Variants in ZFYVE9 observed in about 807,000 individuals in gnomAD.
ZFYVE9 encodes the protein zinc finger FYVE domain-containing protein 9.
In ZFYVE9, 43 loss-of-function variants were observed where a neutral mutation model predicts 126.7. That is an observed-to-expected ratio of 0.34 (90% confidence interval 0.27 to 0.44). The LOEUF is 0.44. Among genes scored for constraint, ZFYVE9 ranks in the 20% least tolerant of loss-of-function variants. The pLI is 1.00. For synonymous variants in ZFYVE9, 521 were observed against 597.4 expected (o/e 0.87, Z 1.87); for missense variants, 1,476 against 1,697.0 (o/e 0.87, Z 2.29).
At chr1:52,316,943 T>C (rs559886571) in intron 13 of ZFYVE9, among the ~76,000 whole-genome samples, 217 of 152,282 alleles carry the variant, frequency 1.4e-3, no homozygotes, top group Middle Eastern at 0.014. Context: ...TTCTGTGGTG[T>C]AAAAGAGGTC....
intron 10 of ZFYVE9, among the ~76,000 whole-genome samples, chr1:52,291,445 C>T (rs1450619468): frequency 1.3e-5 from 2 of 152,192 alleles, no homozygotes; most frequent in South Asian, 2.1e-4. Context: ...TGAACACATT[C>T]GTTGTTCCAT....
chr1:52,281,257 C>T (rs1043535243), intron 9 of ZFYVE9, among the ~76,000 whole-genome samples: 1 of 151,448 alleles, frequency 6.6e-6, no homozygotes, highest in Non-Finnish European at 1.5e-5. Flanking sequence ...CTCAGCCTCC[C>T]GAGTAGCTGG....
intron 1 of ZFYVE9, among the ~76,000 whole-genome samples, chr1:52,151,015 T>C (rs545807598): frequency 1.3e-5 from 2 of 150,322 alleles, no homozygotes; most frequent in African/African-American, 4.9e-5. Context: ...TTAGTAGTAG[T>C]AGCCGAGGTA....
intron 1 of ZFYVE9, among the ~76,000 whole-genome samples, chr1:52,213,072 A>G (rs962302631): frequency 2.0e-5 from 3 of 152,228 alleles, no homozygotes; most frequent in African/African-American, 7.2e-5. Context: ...TCAAAAGGCA[A>G]TGAATAAGTC....
In ZFYVE9 at chr1:52,336,947, T is replaced by TAAAAAAAAAAAAAAA. The variant is rs71041896; in HGVS notation, c.3671-817_3671-803dup. Among the ~76,000 whole-genome samples, 173 of 107,800 alleles carry TAAAAAAAAAAAAAAA rather than the reference T, an allele frequency of 1.6e-3. 2 individuals carry two copies. The highest frequency in any genetic ancestry group is 5.8e-3 in the African/African-American group (160 of 27,380). The allele number at this position is 107,800 out of a possible 152,430, so 70.7% of individuals were successfully genotyped here. ...CGCTCCAACCTGGGCAGTCATCTCT[T>TAAAAAAAAAAAAAAA]AAAAAAAAAAAAAAAAAAAAAAGAT... On this transcript the variant is annotated intron_variant, in intron 15 of 18. Coordinates refer to ENST00000287727, the MANE Select transcript of ZFYVE9 (RefSeq NM_004799.4).
intron 1 of ZFYVE9, among the ~76,000 whole-genome samples, chr1:52,182,126 T>TG (rs1340808777): frequency 7.0e-6 from 1 of 143,524 alleles, no homozygotes; most frequent in African/African-American, 2.6e-5. Context: ...AGGAGAGAGG[T>TG]GGGGGGTCAG....
chr1:52,230,203 G>A (rs1433127282), intron 2 of ZFYVE9, among the ~76,000 whole-genome samples: 1 of 152,182 alleles, frequency 6.6e-6, no homozygotes, highest in South Asian at 2.1e-4. Flanking sequence ...GAGGGGGAAG[G>A]CAAAAAGGAA....
At position 52,263,758 on chromosome 1, in the gene ZFYVE9, C is replaced by CG. The variant is rs1553130203; in HGVS notation, c.2179-15_2179-14insG. 2.2e-5 allele frequency: 15 copies of CG among 686,190 alleles called. No homozygotes were observed. The highest frequency in any genetic ancestry group is 2.0e-4 in the African/African-American group (6 of 29,386). 42.5% of individuals were successfully genotyped at this position (686,190 alleles called of 1,614,324 possible). A position where few individuals can be genotyped will look rare whatever the true frequency, so the allele number is the denominator to read the frequency against. ...AAGTAAATTTTGTGTGTTCTTCCCC[C>CG]CCCCCCCCCCACAGGTTTTCTGTGC... On this transcript the variant is annotated splice_polypyrimidine_tract_variant and intron_variant, in intron 4 of 18. Transcript: ENST00000287727.
intron 9 of ZFYVE9, among the ~76,000 whole-genome samples, chr1:52,278,905 T>C (rs1645775338): frequency 6.6e-6 from 1 of 151,528 alleles, no homozygotes. Context: ...TAATTTTTCG[T>C]ATTTGTTTTT....
intron 15 of ZFYVE9, among the ~76,000 whole-genome samples, chr1:52,336,723 G>T (rs1005960126): frequency 6.6e-6 from 1 of 152,068 alleles, no homozygotes; most frequent in Non-Finnish European, 1.5e-5. Flanking sequence ...ATATGATGAA[G>T]TGTTGACTAT....
At chr1:52,309,226 C>T (rs964778025) in intron 13 of ZFYVE9, among the ~76,000 whole-genome samples, 1 of 152,168 alleles carries the variant, frequency 6.6e-6, no homozygotes, top group Non-Finnish European at 1.5e-5. Context: ...CTTGTAATCC[C>T]AGTACTTTGG....
intron 7 of ZFYVE9, among the ~76,000 whole-genome samples, chr1:52,271,488 T>G (rs1432956290): frequency 6.6e-6 from 1 of 152,176 alleles, no homozygotes; most frequent in Admixed American, 6.5e-5. Context: ...GTTTGTTACA[T>G]AGGTATACAT....
At chr1:52,255,659 G>A (rs1349365698) in intron 4 of ZFYVE9, among the ~76,000 whole-genome samples, 2 of 151,850 alleles carry the variant, frequency 1.3e-5, no homozygotes, top group Non-Finnish European at 2.9e-5. Flanking sequence ...TTGGGAGGCC[G>A]AGGCAGGTGA....
intron 13 of ZFYVE9, among the ~76,000 whole-genome samples, chr1:52,309,434 T>G (rs1047590833): frequency 1.3e-5 from 2 of 151,922 alleles, no homozygotes; most frequent in Non-Finnish European, 2.9e-5. Flanking sequence ...AGCTGAGATT[T>G]CTCCACTGCA....
chr1:52,298,755 C>T (rs1368552994), intron 12 of ZFYVE9, among the ~76,000 whole-genome samples: 4 of 148,890 alleles, frequency 2.7e-5, no homozygotes, highest in South Asian at 4.2e-4. Context: ...GCTATTTTCA[C>T]GGTATTAATT....
chr1:52,345,897 G>C (rs78416378), intron 18 of ZFYVE9, 163 bp from the exon 19 acceptor site: 17,789 of 661,916 alleles, frequency 0.027, 356 homozygotes, highest in Non-Finnish European at 0.034. Flanking sequence ...TAAACAACAG[G>C]ATAAGTGATC....
chr1:52,342,079 C>T (rs968635564), intron 17 of ZFYVE9, among the ~76,000 whole-genome samples: 2 of 152,104 alleles, frequency 1.3e-5, no homozygotes, highest in African/African-American at 4.8e-5. Flanking sequence ...AGAGCAGGGG[C>T]CAGCGCTCAG....
At chr1:52,205,462 C>T (rs1047800998) in intron 1 of ZFYVE9, among the ~76,000 whole-genome samples, 1 of 152,006 alleles carries the variant, frequency 6.6e-6, no homozygotes, top group African/African-American at 2.4e-5. Context: ...ACTCTGGGCT[C>T]AAGCGATCCT....
chr1:52,179,077 T>G (rs576157110), intron 1 of ZFYVE9, among the ~76,000 whole-genome samples: 1 of 152,244 alleles, frequency 6.6e-6, no homozygotes, highest in South Asian at 2.1e-4. Context: ...ATGCTGGAAT[T>G]ATAGATGTGA....
Sources: allele counts gnomAD v4.1 joint callset (sites outside exome capture counted in the v4.1 genomes callset), GRCh38; gene constraint gnomAD v4.1.1; transcripts MANE v1.5; gene names NCBI Gene and HGNC (gene_info 2026-07-23, HGNC 2026-07-21).